The following DAB2IP variants were observed in gnomAD, a reference collection of about 807,000 sequenced individuals.
DAB2IP encodes the protein DAB2 interacting protein.
In DAB2IP, 28 loss-of-function variants were observed where a neutral mutation model predicts 107.2. That is an observed-to-expected ratio of 0.26 (90% CI 0.19 to 0.36). The LOEUF (loss-of-function observed/expected upper bound fraction) is 0.36. DAB2IP is among the 10% of genes least tolerant of loss of function. DAB2IP has a pLI of 1.00. For missense variants in DAB2IP, 1,400 were observed against 1,644.7 expected (o/e 0.85, Z 2.57); for synonymous variants, 755 against 706.4 (o/e 1.07, Z -1.09).
At chr9:121,621,984 C>CTTTTTTTTTTTTTTTTT (rs1202929145) in intron 1 of DAB2IP, among the ~76,000 whole-genome samples, 102 of 99,690 alleles carry the variant, frequency 1.0e-3, no homozygotes, top group Non-Finnish European at 1.5e-3. Flanking sequence ...TTTTTTCTTT[C>CTTTTTTTTTTTTTTTTT]TTTTTTTTTT....
At chr9:121,595,116 C>T (rs867295205) in intron 1 of DAB2IP, among the ~76,000 whole-genome samples, 1 of 152,022 alleles carries the variant, frequency 6.6e-6, no homozygotes, top group Non-Finnish European at 1.5e-5. Context: ...TGAGCACTTC[C>T]TCATGAGCCA....
In DAB2IP at chr9:121,782,504, C is replaced by G. The variant is rs751241994; in HGVS notation, c.*6C>G. The G allele has an allele frequency of 1.7e-5, 27 of 1,613,078 alleles. No individual in the cohort carries two copies. The Admixed American group carries it at 3.2e-4, about 19-fold the overall frequency. On this transcript the variant is annotated 3_prime_UTR_variant, in exon 16 of 16. Coordinates refer to ENST00000408936, the Ensembl canonical transcript of DAB2IP. This position sits in a 1 kb window ranked among gnomAD's most constrained non-coding sequence, Gnocchi z 6.1. ...GAAACAGCAGCAATTGTTAACCTGCCTGAGGAGGGAGGAAGCTACCCAAGG... is the reference window on the plus strand; with the variant it reads ...GAAACAGCAGCAATTGTTAACCTGCGTGAGGAGGGAGGAAGCTACCCAAGG...
intron 3 of DAB2IP, among the ~76,000 whole-genome samples, chr9:121,715,067 G>C (rs532908884): frequency 1.8e-4 from 28 of 152,256 alleles, no homozygotes; most frequent in Non-Finnish European, 3.7e-4. Flanking sequence ...GTCCAGATTT[G>C]AACATGGGGA....
intron 1 of DAB2IP, among the ~76,000 whole-genome samples, chr9:121,666,090 G>C (rs1833408243): frequency 6.6e-6 from 1 of 152,156 alleles, no homozygotes; most frequent in South Asian, 2.1e-4. Flanking sequence ...TCCTTCTTGA[G>C]GCTCTGGAGA....
At position 121,678,780 on chromosome 9, in the gene DAB2IP, C is replaced by T. The variant is rs368660589; in HGVS notation, c.227C>T (p.Thr76Met). Residue 76 changes from threonine (T) to methionine (M), a missense_variant and splice_region_variant, in exon 2 of 16, where the codon ACG becomes ATG. Physicochemically the swap from Thr to Met is moderately conservative, Grantham distance 81. Coordinates refer to ENST00000408936, the Ensembl canonical transcript of DAB2IP. ...TCGGCCGCCACGCCGTTCCGGGTCA[C>T]GGTAACTATCTCTGCGTCACCAACA... is the stretch of plus-strand genomic sequence containing the variant. 9.1e-5 allele frequency: 144 copies of T among 1,583,342 alleles called. No individual in the cohort carries two copies. The highest frequency in any genetic ancestry group is 3.8e-4 in the African/African-American group (28 of 74,016).
At chr9:121,738,133 C>T (rs550399161) in intron 3 of DAB2IP, among the ~76,000 whole-genome samples, 66 of 152,308 alleles carry the variant, frequency 4.3e-4, no homozygotes, top group Middle Eastern at 6.8e-3. Context: ...GGGTGTCCAG[C>T]GGCCTGGCTG....
In DAB2IP at chr9:121,698,329, C is replaced by T. The variant is rs1159071686; in HGVS notation, c.229-996C>T. 6.6e-6 allele frequency among the ~76,000 whole-genome samples: 1 copy of T among 152,112 alleles called. No individual in the cohort carries two copies. The highest frequency in any genetic ancestry group is 1.9e-4 in the East Asian group (1 of 5,190). Reference sequence around the variant, plus strand: ...GACACAGGCTGTGTCCCCTGGGGCCCCCACATCTATCCCGTCACCTGTAAA... The same window carrying T: ...GACACAGGCTGTGTCCCCTGGGGCCTCCACATCTATCCCGTCACCTGTAAA... On this transcript the variant is annotated intron_variant, in intron 2 of 15. Transcript: ENST00000408936. The surrounding 1 kb of genome is among the most constrained non-coding windows in gnomAD (Gnocchi z 4.1).
chr9:121,676,602 A>T (rs1833915236), intron 1 of DAB2IP, among the ~76,000 whole-genome samples: 1 of 150,096 alleles, frequency 6.7e-6, no homozygotes, highest in Non-Finnish European at 1.5e-5. Context: ...AGATGCAACC[A>T]GCTTAGGCGT....
intron 1 of DAB2IP, among the ~76,000 whole-genome samples, chr9:121,626,926 A>G (rs1394503249): frequency 6.6e-6 from 1 of 152,228 alleles, no homozygotes; most frequent in South Asian, 2.1e-4. Context: ...TTAGGTTCAC[A>G]GCAAAATTGA....
intron 2 of DAB2IP, 165 bp downstream of exon 2, chr9:121,678,946 C>T: frequency 1.6e-6 from 1 of 637,538 alleles, no homozygotes; most frequent in Non-Finnish European, 2.4e-6. Context: ...GCTCCCATCT[C>T]CGTGGCTCAG....
In DAB2IP at chr9:121,770,534, G is replaced by A. The variant is rs756306514; in HGVS notation, c.1900-12G>A. 16 of 1,610,646 alleles carry A rather than the reference G, an allele frequency of 9.9e-6. No homozygotes were observed. The highest frequency in any genetic ancestry group is 3.3e-4 in the Middle Eastern group (2 of 6,050). On this transcript the variant is annotated splice_polypyrimidine_tract_variant and intron_variant, in intron 10 of 15. Transcript: ENST00000408936. Reference sequence around the variant, plus strand: ...CAGGAGGTCACACCTGCCTCTTGCTGTGCCTTTACAGAGCATAGTATCCAA... The same window carrying A: ...CAGGAGGTCACACCTGCCTCTTGCTATGCCTTTACAGAGCATAGTATCCAA...
chr9:121,666,473 T>C (rs1833431192), intron 1 of DAB2IP, among the ~76,000 whole-genome samples: 2 of 152,122 alleles, frequency 1.3e-5, no homozygotes, highest in Admixed American at 6.5e-5. Flanking sequence ...GCCTAAAGGC[T>C]GAGCTAGAAA....
chr9:121,678,717 C>A (rs755221839), exon 2 of DAB2IP: 2 of 1,596,922 alleles, frequency 1.3e-6, no homozygotes, highest in South Asian at 2.3e-5. Context: ...CGCAGCCTGC[C>A]TGGCAGCCTT....
At chr9:121,632,380 T>C (rs1831928051) in intron 1 of DAB2IP, among the ~76,000 whole-genome samples, 1 of 152,150 alleles carries the variant, frequency 6.6e-6, no homozygotes, top group South Asian at 2.1e-4. Flanking sequence ...GGTGACCCAG[T>C]GGACTGGAGG....
chr9:121,718,319 G>C (rs1000740504), intron 3 of DAB2IP, among the ~76,000 whole-genome samples: 1 of 152,250 alleles, frequency 6.6e-6, no homozygotes, highest in African/African-American at 2.4e-5. Context: ...CAAGGGAGGC[G>C]TGGGCGGGGG....
intron 1 of DAB2IP, among the ~76,000 whole-genome samples, chr9:121,677,900 G>C (rs1828346965): frequency 6.6e-6 from 1 of 152,154 alleles, no homozygotes; most frequent in Admixed American, 6.6e-5. Flanking sequence ...GACCTCAGGT[G>C]ATCCTCCCGC....
In DAB2IP at chr9:121,772,971, G is replaced by A; in HGVS notation, c.2443G>A (p.Gly815Ser). 1 of 1,598,516 alleles carries A rather than the reference G, an allele frequency of 6.3e-7. No individual in the cohort carries two copies. The highest frequency in any genetic ancestry group is 8.5e-7 in the Non-Finnish European group (1 of 1,173,414). ...ACCAACCACACCAGGCACCTCCGAG[G>A]GCGCGCCAGGCCGGCCCCAGCTGTT... is the stretch of plus-strand genomic sequence containing the variant. The change falls in exon 12 of 16, where the codon GGC becomes AGC. Residue 815 changes from glycine to serine, a missense_variant. Gly to Ser is a moderately conservative substitution (Grantham distance 56). Around this residue, in one of 3 missense-constraint regions of DAB2IP, gnomAD observed 600 missense variants for 659.1 expected, o/e 0.91. Coordinates refer to ENST00000408936, the Ensembl canonical transcript of DAB2IP. The surrounding 1 kb of genome is among the most constrained non-coding windows in gnomAD (Gnocchi z 4.7).
chr9:121,774,732 G>A (rs990938989), intron 13 of DAB2IP, among the ~76,000 whole-genome samples: 2 of 152,204 alleles, frequency 1.3e-5, no homozygotes, highest in Non-Finnish European at 2.9e-5. Flanking sequence ...AGCTTCCTGA[G>A]GACCTGGGGG....
upstream of DAB2IP, chr9:121,651,512 G>A (rs1832735334): frequency 6.4e-6 from 2 of 310,652 alleles, no homozygotes; most frequent in South Asian, 1.3e-4. The surrounding 1 kb of genome is among the most constrained non-coding windows in gnomAD (Gnocchi z 5.1). Flanking sequence ...TTCCAGGCCG[G>A]GATTTCTCCC....
Sources: allele counts gnomAD v4.1 joint callset (sites outside exome capture counted in the v4.1 genomes callset), GRCh38; gene constraint gnomAD v4.1.1; regional missense constraint gnomAD v4.1.1; non-coding constraint Gnocchi (gnomAD v3.1); transcripts MANE v1.5; gene names NCBI Gene and HGNC (gene_info 2026-07-23, HGNC 2026-07-21).